The following RRP7A variants were observed in gnomAD, a reference collection of about 807,000 sequenced individuals.
The protein encoded by RRP7A is ribosomal RNA processing 7 homolog A.
Under a neutral mutation model 38.4 loss-of-function variants are expected in RRP7A, and 27 were observed. The observed-to-expected ratio is 0.70, with a 90% CI of 0.52 to 0.97. The LOEUF (loss-of-function observed/expected upper bound fraction) is 0.97, where lower values mean the gene tolerates loss of function less well. Among genes scored for constraint, RRP7A ranks in the 50% least tolerant of loss-of-function variants. The pLI, the probability that RRP7A is intolerant of heterozygous loss-of-function variation, is 0.00. For synonymous variants in RRP7A, 124 were observed against 150.3 expected, an observed-to-expected ratio of 0.83 and a Z score of 1.28; for missense variants, 327 against 375.4, an observed-to-expected ratio of 0.87 and a Z score of 1.07.
chr22:42,514,556 G>A (rs1425366062), intron 5 of RRP7A, 126 bp downstream of exon 5: 23 of 888,660 alleles, frequency 2.6e-5, no homozygotes, highest in Non-Finnish European at 3.6e-5. Context: ...GATCCAGCAG[G>A]GAAACAGGGA....
rs1018646849 is a variant in RRP7A, at chr22:42,510,131, A to G, written c.*2779T>C. 2 of 151,952 alleles carry G rather than the reference A, an allele frequency of 1.3e-5. No homozygotes were observed. Among genetic ancestry groups the G allele is most frequent in the Non-Finnish European group, 2.9e-5 (2 of 68,062 alleles). The allele number at this position is 151,952 out of a possible 1,614,324, so 9.4% of individuals were successfully genotyped here. A position where few individuals can be genotyped will look rare whatever the true frequency, so the allele number is the denominator to read the frequency against. On this transcript the variant is annotated 3_prime_UTR_variant, in exon 7 of 7. Transcript: ENST00000323013. ...AGGCACCCACCACCAAGCCCGGCTA[A>G]TTTTTGTATTTTTAGTACAGACAGG...
Position 42,511,444 on chromosome 22 carries a change from GT to G in RRP7A, c.*1465del. 1 of 153,102 alleles carries G rather than the reference GT, an allele frequency of 6.5e-6. No individual in the cohort carries two copies. The highest frequency in any genetic ancestry group is 1.9e-4 in the East Asian group (1 of 5,202). 9.5% of individuals were successfully genotyped at this position (153,102 alleles called of 1,614,324 possible). On this transcript the variant is annotated 3_prime_UTR_variant, in exon 7 of 7. Coordinates refer to ENST00000323013, the MANE Select transcript of RRP7A (RefSeq NM_015703.5). ...CCCACCTTGGCCTCCCAAAGTGCTG[GT>G]TTTGCAGATGGGAGCCACCATGCCC... is the stretch of plus-strand genomic sequence containing the variant.
rs1357584309 is a variant in RRP7A, at chr22:42,509,323, G to T, written c.*3587C>A. On this transcript the variant is annotated 3_prime_UTR_variant, in exon 7 of 7. Coordinates refer to ENST00000323013, the MANE Select transcript of RRP7A (RefSeq NM_015703.5). ...GGGCTCAGGCAGCAGGGGATGGGCC[G>T]GGGCTGTCCCATGCCTTTCCACAGG... is the stretch of plus-strand genomic sequence containing the variant. 6.7e-6 allele frequency among the ~76,000 whole-genome samples: 1 copy of T among 150,062 alleles called. No homozygotes were observed.
intron 5 of RRP7A, 74 bp from the exon 6 acceptor site, chr22:42,514,378 C>T: frequency 1.8e-6 from 2 of 1,128,202 alleles, no homozygotes; most frequent in Non-Finnish European, 2.5e-6. Context: ...ACGCCCTCCT[C>T]CCAAAGTCAG....
chr22:42,511,515 T>A lies in RRP7A; in HGVS notation c.*1395A>T, dbSNP rs1276081934. 6.5e-6 allele frequency: 1 copy of A among 153,700 alleles called. No individual in the cohort carries two copies. Among genetic ancestry groups the A allele is most frequent in the African/African-American group, 2.4e-5 (1 of 41,482 alleles). 9.5% of individuals were successfully genotyped at this position (153,700 alleles called of 1,614,324 possible). ...GGCTCCCAAACCACAGCAGAACACC[T>A]GGCTGCCTCATCCCTCTGCACCCAT... On this transcript the variant is annotated 3_prime_UTR_variant, in exon 7 of 7. Transcript: ENST00000323013.
At position 42,508,751 on chromosome 22, in the gene RRP7A, C is replaced by T. The variant is rs1044135162; in HGVS notation, c.*4159G>A. ...ACTTCTCTGACTTTAATCACACAGCCATACCTGGTGGCAAAGGAGTATTGG... is the reference window on the plus strand; with the variant it reads ...ACTTCTCTGACTTTAATCACACAGCTATACCTGGTGGCAAAGGAGTATTGG... On this transcript the variant is annotated 3_prime_UTR_variant, in exon 7 of 7. Coordinates refer to ENST00000323013, the MANE Select transcript of RRP7A (RefSeq NM_015703.5). 2.6e-5 allele frequency among the ~76,000 whole-genome samples: 4 copies of T among 152,256 alleles called. No individual in the cohort carries two copies. The highest frequency in any genetic ancestry group is 7.2e-5 in the African/African-American group (3 of 41,472).
chr22:42,515,982 C>G (rs1920928390), intron 3 of RRP7A, 29 bp downstream of exon 3: 2 of 1,568,982 alleles, frequency 1.3e-6, no homozygotes, highest in Admixed American at 1.8e-5. Context: ...CCCCCTCACT[C>G]TAGTGGAACC....
chr22:42,517,143 T>TG (rs1308210205), intron 2 of RRP7A, among the ~76,000 whole-genome samples: 1 of 151,706 alleles, frequency 6.6e-6, no homozygotes, highest in Admixed American at 6.6e-5. Context: ...CCGGGCATGG[T>TG]GGTGGGCGCC....
In RRP7A at chr22:42,509,012, G is replaced by A. The variant is rs1219271872; in HGVS notation, c.*3898C>T. 1.2e-6 allele frequency: 2 copies of A among 1,612,510 alleles called. No homozygotes were observed. The highest frequency in any genetic ancestry group is 1.7e-5 in the Admixed American group (1 of 59,968). On this transcript the variant is annotated 3_prime_UTR_variant, in exon 7 of 7. Transcript: ENST00000323013. ...GTGCCTTGTGACGAGAATTCACCAT[G>A]TTTTTGTCTCTGCAGGCAGAGAACA...
intron 5 of RRP7A, 130 bp from the exon 6 acceptor site, chr22:42,514,434 GCA>G (rs965537794): frequency 4.4e-5 from 34 of 767,306 alleles, no homozygotes; most frequent in African/African-American, 4.3e-4. Flanking sequence ...CCTCCTCCCA[GCA>G]CAGTGTTGGG....
In RRP7A at chr22:42,512,895, T is replaced by C. The variant is rs367745981; in HGVS notation, c.*15A>G. On this transcript the variant is annotated 3_prime_UTR_variant, in exon 7 of 7. Coordinates refer to ENST00000323013, the MANE Select transcript of RRP7A (RefSeq NM_015703.5). ...TGGCCCTGCACCTCCAGCCATTCAC[T>C]GCGGCTCTCACAGCTCAGTACGGTC... The C allele has an allele frequency of 9.1e-5, 147 of 1,611,692 alleles. No individual in the cohort carries two copies. In the African/African-American group the frequency reaches 1.5e-3, roughly 16 times the overall value.
intron 5 of RRP7A, 24 bp downstream of exon 5, chr22:42,514,658 C>T (rs775680359): frequency 2.1e-5 from 34 of 1,585,826 alleles, no homozygotes; most frequent in Middle Eastern, 1.7e-4. Context: ...ATGCGGGGCT[C>T]GGCCGACCCC....
chr22:42,516,070 C>A lies in RRP7A; in HGVS notation c.283G>T (p.Asp95Tyr), dbSNP rs1461972565. 6.2e-7 allele frequency: 1 copy of A among 1,613,186 alleles called. No individual in the cohort carries two copies. Among genetic ancestry groups the A allele is most frequent in the Non-Finnish European group, 8.5e-7 (1 of 1,179,584 alleles). ...VQSVELQEKP[D>Y]LAESPKESRS... The stretch of plus-strand genomic sequence containing the variant: ...GACTCCTTTGGGCTCTCAGCCAGGT[C>A]CGGCTTCTCCTGCAACTCTACAGAC... The change falls in exon 3 of 7, where the codon GAC becomes TAC. Residue 95 changes from aspartate (D) to tyrosine (Y), a missense_variant. Asp to Tyr is a radical substitution (Grantham distance 160). Around this residue, in one of 5 missense-constraint regions of RRP7A, gnomAD observed 183 missense variants for 141.8 expected, o/e 1.29. Transcript: ENST00000323013.
chr22:42,510,736 C>T lies in RRP7A; in HGVS notation c.*2174G>A, dbSNP rs1371653286. 2 of 1,502,286 alleles carry T rather than the reference C, an allele frequency of 1.3e-6. No individual in the cohort carries two copies. The highest frequency in any genetic ancestry group is 1.8e-4 in the Middle Eastern group (1 of 5,432). The allele number at this position is 1,502,286 out of a possible 1,614,324, so 93.1% of individuals were successfully genotyped here. ...CCACCCTCAAAGAGGTAAGGCGGGG[C>T]TCAGGCAGCTGGTGTCCAGCCACTG... On this transcript the variant is annotated 3_prime_UTR_variant, in exon 7 of 7. Coordinates refer to ENST00000323013, the MANE Select transcript of RRP7A (RefSeq NM_015703.5).
At chr22:42,514,069 G>A (rs772038093) in intron 6 of RRP7A, 37 bp downstream of exon 6, 27 of 1,588,658 alleles carry the variant, frequency 1.7e-5, no homozygotes, top group African/African-American at 2.7e-5. Flanking sequence ...CTGGGGCCAA[G>A]GCCGAGGGGT....
At chr22:42,518,868 G>GCTCA (rs1335504545) in intron 1 of RRP7A, 1 of 430,626 alleles carries the variant, frequency 2.3e-6, no homozygotes, top group African/African-American at 2.1e-5. Flanking sequence ...AACTCAGGAA[G>GCTCA]CTCAGTTGCA....
rs773568822 is a variant in RRP7A, at chr22:42,518,114, G to T, written c.107C>A (p.Ala36Asp). 6.2e-7 allele frequency: 1 copy of T among 1,613,554 alleles called. No individual in the cohort carries two copies. The highest frequency in any genetic ancestry group is 1.3e-5 in the African/African-American group (1 of 74,904). ...TGCTCTCACATAGAGGTAGTGAGAA[G>T]CCTGTTGCTTTTCAGAGAACTTGAT... is the stretch of plus-strand genomic sequence containing the variant. ...IPIKFSEKQQASHYLYVRAHG... is the reference protein window; with the variant it reads ...IPIKFSEKQQDSHYLYVRAHG... The change falls in exon 2 of 7, where the codon GCT becomes GAT. Residue 36 changes from alanine to aspartate, a missense_variant. Ala to Asp is a moderately radical substitution (Grantham distance 126, BLOSUM62 -2). This residue lies in a region of RRP7A where 183 missense variants were observed against 141.8 expected (regional missense o/e 1.29). Transcript: ENST00000323013.
chr22:42,511,066 C>G lies in RRP7A; in HGVS notation c.*1844G>C, dbSNP rs1440806152. 6.4e-6 allele frequency: 1 copy of G among 155,724 alleles called. No homozygotes were observed. 9.6% of individuals were successfully genotyped at this position (155,724 alleles called of 1,614,324 possible). A position where few individuals can be genotyped will look rare whatever the true frequency, so the allele number is the denominator to read the frequency against. On this transcript the variant is annotated 3_prime_UTR_variant, in exon 7 of 7. Coordinates refer to ENST00000323013, the MANE Select transcript of RRP7A (RefSeq NM_015703.5). The stretch of plus-strand genomic sequence containing the variant: ...AGGGTCTCATTCTGTTGCTCAGGCT[C>G]AGTCATAGCTCACTGCAGCCTCAAA...
rs1360484105 is a variant in RRP7A at position 42,509,103 on chromosome 22, T to C, written c.*3807A>G. 6.2e-7 allele frequency: 1 copy of C among 1,614,112 alleles called. No homozygotes were observed. On this transcript the variant is annotated 3_prime_UTR_variant, in exon 7 of 7. Transcript: ENST00000323013. ...CAGGAAGCTGCAGGCCCATGTCCTGTTGATCAAGTGAGTCTGGACCCATCC... is the reference window on the plus strand; with the variant it reads ...CAGGAAGCTGCAGGCCCATGTCCTGCTGATCAAGTGAGTCTGGACCCATCC...
Sources: gnomAD v4.1 joint callset for allele counts (sites outside exome capture counted in the v4.1 genomes callset) on GRCh38, gnomAD v4.1.1 for gene constraint, gnomAD v4.1.1 regional missense constraint, MANE v1.5 for transcripts, NCBI Gene and HGNC (gene_info 2026-07-23, HGNC 2026-07-21) for gene names.